The following KRT35 variants were observed in gnomAD, a reference collection of about 807,000 sequenced individuals.
KRT35 encodes keratin 35, also known as keratin, type I cuticular Ha5.
A neutral mutation model predicts 42.2 loss-of-function variants in KRT35; 33 were observed. That is an observed-to-expected ratio of 0.78 (90% confidence interval 0.59 to 1.05). The LOEUF is 1.05. Among genes scored for constraint, KRT35 ranks in the 50% least tolerant of loss-of-function variants. The pLI is 0.00. For missense variants in KRT35, 585 were observed against 589.2 expected, an observed-to-expected ratio of 0.99 and a Z score of 0.07; for synonymous variants, 218 against 238.2, an observed-to-expected ratio of 0.92 and a Z score of 0.78.
rs951006985 is a variant in KRT35, at chr17:41,478,553, C to G, written c.874-67G>C. On this transcript the variant is annotated intron_variant, in intron 4 of 6. Coordinates refer to ENST00000246639, the MANE Select transcript of KRT35 (RefSeq NM_002280.6). The stretch of plus-strand genomic sequence containing the variant: ...ACTTGGCTTCAGAGAGCTACAGAGG[C>G]CGGTTAGAATCATGAGCCAAGAAAG... 12 of 1,561,572 alleles carry G rather than the reference C, an allele frequency of 7.7e-6. No homozygotes were observed. In the African/African-American group the frequency reaches 1.5e-4, roughly 19 times the overall value.
chr17:41,478,621 A>T, intron 4 of KRT35, 135 bp from the exon 5 acceptor site: 3 of 1,229,556 alleles, frequency 2.4e-6, no homozygotes, highest in Non-Finnish European at 3.4e-6. Context: ...TTTATACTGG[A>T]GGGCATTGTT....
rs776427594 is a variant in KRT35, at chr17:41,479,424, G to A, written c.634C>T (p.Leu212=). 14 of 1,614,150 alleles carry A rather than the reference G, an allele frequency of 8.7e-6. No individual in the cohort carries two copies. The South Asian group carries it at 1.5e-4, about 18-fold the overall frequency. ...GLRRILDDLT[L]CKSDLEAQVE... ...TGGGCCTCCAGGTCAGACTTGCACA[G>A]GGTCAGGTCATCCAGGATCCTGCGC... is the stretch of plus-strand genomic sequence containing the variant. The change falls in exon 3 of 7, where the codon CTG becomes TTG. Residue 212 remains leucine, a synonymous_variant. Transcript: ENST00000246639.
chr17:41,479,520 G>A lies in KRT35; in HGVS notation c.555-17C>T. 1 of 1,609,854 alleles carries A rather than the reference G, an allele frequency of 6.2e-7. No homozygotes were observed. The highest frequency in any genetic ancestry group is 8.5e-7 in the Non-Finnish European group (1 of 1,176,894). On this transcript the variant is annotated splice_polypyrimidine_tract_variant and intron_variant, in intron 2 of 6. Transcript: ENST00000246639. ...GTCTCATACCTGCAGGCATAGAACA[G>A]GGCACCTGAGTCTGCATTTCCTTTT...
At position 41,476,976 on chromosome 17, in the gene KRT35, G is replaced by A. The variant is rs2019179115; in HGVS notation, c.*80C>T. Reference sequence around the variant, plus strand: ...GGGCTCTGCGCGAAGAGAGGGGATTGGGCTACAAGGGTTAAGTTTGGGTAG... The same window carrying A: ...GGGCTCTGCGCGAAGAGAGGGGATTAGGCTACAAGGGTTAAGTTTGGGTAG... On this transcript the variant is annotated 3_prime_UTR_variant, in exon 7 of 7. Coordinates refer to ENST00000246639, the MANE Select transcript of KRT35 (RefSeq NM_002280.6). 3.7e-6 allele frequency: 5 copies of A among 1,352,120 alleles called. No homozygotes were observed. The highest frequency in any genetic ancestry group is 5.0e-6 in the Non-Finnish European group (5 of 994,960). The allele number at this position is 1,352,120 out of a possible 1,614,324, so 83.8% of individuals were successfully genotyped here. A position where few individuals can be genotyped will look rare whatever the true frequency, so the allele number is the denominator to read the frequency against.
chr17:41,480,472 T>A (rs958649805), intron 1 of KRT35, among the ~76,000 whole-genome samples, 155 bp downstream of exon 1: 1 of 152,170 alleles, frequency 6.6e-6, no homozygotes, highest in African/African-American at 2.4e-5. Context: ...AATGGGCTAA[T>A]GATACCTCCC....
chr17:41,480,600 A>G (rs764623869), intron 1 of KRT35, 27 bp downstream of exon 1: 33 of 1,567,638 alleles, frequency 2.1e-5, no homozygotes, highest in Non-Finnish European at 2.9e-5. Flanking sequence ...AGTTCCTGGG[A>G]ATCCAAAGCC....
Position 41,477,607 on chromosome 17 carries a change from G to C in KRT35, c.1131C>G (p.Asn377Lys). The stretch of plus-strand genomic sequence containing the variant: ...CGTCCAGCAGCACCTGGTACTCCTG[G>C]TTCTGCCGCTCCAGGTCAGCCCGGA... ...AEIRADLERQ[N>K]QEYQVLLDVR... The change falls in exon 6 of 7, where the codon AAC becomes AAG. Residue 377 changes from asparagine (N) to lysine (K), a missense_variant. Coordinates refer to ENST00000246639, the MANE Select transcript of KRT35 (RefSeq NM_002280.6). 3.1e-6 allele frequency: 5 copies of C among 1,614,238 alleles called. No individual in the cohort carries two copies. The highest frequency in any genetic ancestry group is 4.2e-6 in the Non-Finnish European group (5 of 1,180,056).
Position 41,478,400 on chromosome 17 carries a change from G to C in KRT35, c.960C>G (p.Val320=), listed in dbSNP as rs778858586. The change falls in exon 5 of 7, where the codon GTC becomes GTG. Residue 320 remains valine (V), a synonymous_variant. Coordinates refer to ENST00000246639, the MANE Select transcript of KRT35 (RefSeq NM_002280.6). ...CCTGCAGCTCAATCTCCAGGGCGTT[G>C]ACCGTGCGTCTCAGCTCGATGATCT... ...QAEIIELRRT[V]NALEIELQAQ... 2.9e-5 allele frequency: 46 copies of C among 1,613,910 alleles called. No homozygotes were observed. Among genetic ancestry groups the C allele is most frequent in the Non-Finnish European group, 3.8e-5 (45 of 1,179,976 alleles).
rs2239711 is a variant in KRT35, at chr17:41,477,065, A to C, written c.1359T>G (p.Gly453=). The change falls in exon 7 of 7, where the codon GGT becomes GGG. Residue 453 remains glycine, a synonymous_variant. Coordinates refer to ENST00000246639, the MANE Select transcript of KRT35 (RefSeq NM_002280.6). ...TCTGGGTCACCCGCTCTCAGAACCG[A>C]CCCCCTGGGCAGGGCACACAAATGG... ...PRPICVPCPG[G]RF The C allele has an allele frequency of 6.4e-7, 1 of 1,567,446 alleles. No homozygotes were observed. Among genetic ancestry groups the C allele is most frequent in the East Asian group, 2.3e-5 (1 of 44,436 alleles).
At position 41,477,655 on chromosome 17, in the gene KRT35, G is replaced by A. The variant is rs371166098; in HGVS notation, c.1083C>T (p.Asn361=). The A allele has an allele frequency of 4.3e-5, 69 of 1,614,144 alleles. No homozygotes were observed. The highest frequency in any genetic ancestry group is 3.5e-4 in the African/African-American group (26 of 74,940). ...QLAQMQCMIT[N]VEAQLAEIRA... is the part of the protein sequence containing the mutation. ...GGATCTCGGCCAGCTGGGCCTCCACGTTGGTGATCATGCACTGCATCTGGG... is the reference window on the plus strand; with the variant it reads ...GGATCTCGGCCAGCTGGGCCTCCACATTGGTGATCATGCACTGCATCTGGG... Residue 361 remains asparagine, a synonymous_variant, in exon 6 of 7, where the codon AAC becomes AAT. Coordinates refer to ENST00000246639, the MANE Select transcript of KRT35 (RefSeq NM_002280.6).
rs1374917362 is a variant in KRT35, at chr17:41,477,622, G to C, written c.1116C>G (p.Asp372Glu). Reference protein sequence around the residue: ...VEAQLAEIRADLERQNQEYQV... With the variant: ...VEAQLAEIRAELERQNQEYQV... ...GGTACTCCTGGTTCTGCCGCTCCAG[G>C]TCAGCCCGGATCTCGGCCAGCTGGG... Residue 372 changes from aspartate (D) to glutamate (E), a missense_variant, in exon 6 of 7, where the codon GAC becomes GAG. Transcript: ENST00000246639. 1.6e-5 allele frequency: 26 copies of C among 1,614,222 alleles called. No homozygotes were observed. Among genetic ancestry groups the C allele is most frequent in the Non-Finnish European group, 2.2e-5 (26 of 1,180,042 alleles).
intron 5 of KRT35, 101 bp downstream of exon 5, chr17:41,478,260 G>A (rs1325578719): frequency 7.6e-7 from 1 of 1,320,334 alleles, no homozygotes; most frequent in Non-Finnish European, 1.0e-6. Flanking sequence ...CAAGAACATG[G>A]ACCCCTGGAG....
In KRT35 at chr17:41,477,182, T is replaced by A; in HGVS notation, c.1242A>T (p.Ala414=). 2 of 1,613,776 alleles carry A rather than the reference T, an allele frequency of 1.2e-6. No individual in the cohort carries two copies. The highest frequency in any genetic ancestry group is 8.5e-7 in the Non-Finnish European group (1 of 1,179,862). Residue 414 remains alanine (A), a synonymous_variant, in exon 7 of 7, where the codon GCA becomes GCT. Transcript: ENST00000246639. ...ATGACTTGGAGGGTGAGTAGTCAGG[T>A]GCACATGGGTTACAGGGGAGCCTAG... ...EDSKLPCNPC[A]PDYSPSKSCL...
At chr17:41,477,455 G>T in intron 6 of KRT35, 63 bp downstream of exon 6, 16 of 1,592,382 alleles carry the variant, frequency 1.0e-5, no homozygotes, top group Non-Finnish European at 1.4e-5. Flanking sequence ...TAGGCACCAT[G>T]CTGTCTTCCC....
chr17:41,479,814 A>T (rs1481965165), intron 1 of KRT35, 33 bp from the exon 2 acceptor site: 2 of 1,568,112 alleles, frequency 1.3e-6, no homozygotes, highest in Non-Finnish European at 1.8e-6. Flanking sequence ...TCATTGCAAG[A>T]AAGGACATTC....
At chr17:41,477,236 C>G in intron 6 of KRT35, 33 bp from the exon 7 acceptor site, 1 of 1,611,770 alleles carries the variant, frequency 6.2e-7, no homozygotes, top group Non-Finnish European at 8.5e-7. Flanking sequence ...CTGTGATTTT[C>G]CAGTTGCTGT....
chr17:41,477,290 G>A (rs1052497455), intron 6 of KRT35, 87 bp from the exon 7 acceptor site: 129 of 1,502,146 alleles, frequency 8.6e-5, no homozygotes, highest in Non-Finnish European at 1.1e-4. Context: ...AAACTGGGAA[G>A]CACCCTAAAA....
intron 4 of KRT35, 147 bp from the exon 5 acceptor site, chr17:41,478,633 C>T: frequency 8.5e-7 from 1 of 1,183,304 alleles, no homozygotes; most frequent in Non-Finnish European, 1.2e-6. Context: ...GGCATTGTTG[C>T]TCAGAGGACA....
At chr17:41,480,087 G>C (rs2019232895) in intron 1 of KRT35, among the ~76,000 whole-genome samples, 1 of 152,204 alleles carries the variant, frequency 6.6e-6, no homozygotes, top group Non-Finnish European at 1.5e-5. Context: ...GGCCTACTGG[G>C]GGCCCAGGGC....
Sources: allele counts gnomAD v4.1 joint callset (sites outside exome capture counted in the v4.1 genomes callset), GRCh38; gene constraint gnomAD v4.1.1; transcripts MANE v1.5; gene names NCBI Gene and HGNC (gene_info 2026-07-23, HGNC 2026-07-21).